Variants in PCDH11X observed in about 807,000 individuals in gnomAD.
The protein encoded by PCDH11X is protocadherin-11 X-linked.
A neutral mutation model predicts 53.3 loss-of-function variants in PCDH11X; 18 were observed. That is an observed-to-expected ratio of 0.34 (90% CI 0.23 to 0.50). PCDH11X has a LOEUF of 0.50. Ranked by LOEUF, PCDH11X falls within the 20% of genes least tolerant of loss-of-function variation. PCDH11X has a pLI of 0.98. For missense variants in PCDH11X, 570 were observed against 1,032.4 expected, an observed-to-expected ratio of 0.55 and a Z score of 6.14; for synonymous variants, 279 against 393.3, an observed-to-expected ratio of 0.71 and a Z score of 3.44.
At chrX:92,159,176 C>T (rs2065593158) in intron 6 of PCDH11X, among the ~76,000 whole-genome samples, 1 of 110,605 alleles carries the variant, frequency 9.0e-6, no homozygotes, top group Admixed American at 9.7e-5. Flanking sequence ...TATAGAAGAA[C>T]ATATGAAATA....
At chrX:92,271,954 T>C (rs1054047282) in intron 8 of PCDH11X, among the ~76,000 whole-genome samples, 1 of 112,162 alleles carries the variant, frequency 8.9e-6, no homozygotes, top group Non-Finnish European at 1.9e-5. Flanking sequence ...TCCAGAGAAA[T>C]GGTATCAGGA....
intron 6 of PCDH11X, among the ~76,000 whole-genome samples, chrX:91,915,659 C>A (rs1282690511): frequency 9.0e-6 from 1 of 110,690 alleles, no homozygotes; most frequent in Non-Finnish European, 1.9e-5. Flanking sequence ...ATATACGCAC[C>A]TAACGCTGGA....
chrX:92,391,480 T>C (rs2071127879), intron 9 of PCDH11X, among the ~76,000 whole-genome samples: 1 of 110,557 alleles, frequency 9.0e-6, no homozygotes, highest in Non-Finnish European at 1.9e-5. Flanking sequence ...CATTAAACTA[T>C]GTATGGCCCT....
intron 9 of PCDH11X, among the ~76,000 whole-genome samples, chrX:92,412,489 T>G (rs1352903606): frequency 1.3e-5 from 1 of 79,559 alleles, no homozygotes; most frequent in Admixed American, 1.5e-4. Flanking sequence ...AAAAATTTGA[T>G]GATCAAAATA....
chrX:91,983,594 C>G, intron 6 of PCDH11X: 1 of 408,978 alleles, frequency 2.4e-6, no homozygotes, highest in East Asian at 4.5e-5. Flanking sequence ...GAGCCAGCTG[C>G]GGGGCCCAAC....
intron 6 of PCDH11X, among the ~76,000 whole-genome samples, chrX:91,976,736 A>G (rs1048437351): frequency 9.0e-6 from 1 of 111,298 alleles, no homozygotes; most frequent in Non-Finnish European, 1.9e-5. Flanking sequence ...GAGACATTCT[A>G]TATTTATGCC....
intron 8 of PCDH11X, among the ~76,000 whole-genome samples, chrX:92,357,469 G>C (rs1873056985): frequency 9.1e-6 from 1 of 109,366 alleles, no homozygotes; most frequent in Non-Finnish European, 1.9e-5. Context: ...GTATTAGGAA[G>C]TGGGGCCTTT....
At chrX:92,444,799 A>C (rs1468690809) in intron 9 of PCDH11X, among the ~76,000 whole-genome samples, 2 of 102,493 alleles carry the variant, frequency 2.0e-5, no homozygotes, top group African/African-American at 7.1e-5. Context: ...ATCTATTGAG[A>C]AAAATAGTTT....
intron 6 of PCDH11X, among the ~76,000 whole-genome samples, chrX:91,887,867 A>T (rs1403304197): frequency 9.0e-6 from 1 of 111,409 alleles, no homozygotes; most frequent in Non-Finnish European, 1.9e-5. Context: ...TGTAATACAG[A>T]GGCATGTTAC....
chrX:91,989,328 C>T (rs1451092955), intron 6 of PCDH11X, among the ~76,000 whole-genome samples: 5 of 110,999 alleles, frequency 4.5e-5, no homozygotes, highest in African/African-American at 6.5e-5. Flanking sequence ...TTTGGGAGGC[C>T]GAGGCGGGCA....
intron 6 of PCDH11X, among the ~76,000 whole-genome samples, chrX:92,152,946 TGG>T (rs1053584295): frequency 9.3e-6 from 1 of 107,564 alleles, no homozygotes; most frequent in African/African-American, 3.4e-5. Flanking sequence ...TACAGGCACC[TGG>T]CTAATTTTTG....
intron 8 of PCDH11X, among the ~76,000 whole-genome samples, chrX:92,377,604 G>A (rs2070780267): frequency 9.4e-6 from 1 of 105,909 alleles, no homozygotes; most frequent in African/African-American, 3.4e-5. Flanking sequence ...AATTGTCTTA[G>A]TTTTTCTTCA....
chrX:91,831,957 T>C (rs1475198065), intron 4 of PCDH11X, among the ~76,000 whole-genome samples: 1 of 107,338 alleles, frequency 9.3e-6, no homozygotes, highest in East Asian at 2.9e-4. Flanking sequence ...TATATTCACT[T>C]AAGCTTTAGA....
rs765879024 is a variant in PCDH11X, at chrX:92,092,962, T to C, written c.3034-108413T>C. Among the ~76,000 whole-genome samples, 5 of 111,011 alleles carry C rather than the reference T, an allele frequency of 4.5e-5. No individual in the cohort carries two copies. In the South Asian group the frequency reaches 1.6e-3, roughly 35 times the overall value. ...ATGTTGTTGTGGTAATTGTGACTGA[T>C]TGAGTTGTTGCAAGACCTGGTTGTT... is the stretch of plus-strand genomic sequence containing the variant. On this transcript the variant is annotated intron_variant, in intron 6 of 10. Transcript: ENST00000682573.
intron 8 of PCDH11X, among the ~76,000 whole-genome samples, chrX:92,302,589 T>G: frequency 8.9e-6 from 1 of 111,760 alleles, no homozygotes; most frequent in South Asian, 3.7e-4. Flanking sequence ...GGACAGTTGT[T>G]TTTTTATAGC....
chrX:92,135,757 T>TTG (rs575523392), intron 6 of PCDH11X, among the ~76,000 whole-genome samples: 6,740 of 99,953 alleles, frequency 0.067, 508 homozygotes, highest in African/African-American at 0.22. Flanking sequence ...GTGTGCATGT[T>TTG]TGTGTGTGTG....
chrX:92,288,106 T>C lies in PCDH11X; in HGVS notation c.3144+24963T>C, dbSNP rs1160294152. 2.7e-5 allele frequency: 12 copies of C among 444,132 alleles called. No homozygotes were observed. The East Asian group carries it at 4.4e-4, about 16-fold the overall frequency. The allele number at this position is 444,132 out of a possible 1,213,427, so 36.6% of individuals were successfully genotyped here. On this transcript the variant is annotated intron_variant, in intron 8 of 10. Transcript: ENST00000682573. ...TATAAACTACCCAGTCTCAGGTAGT[T>C]CTTTATAGCTGTGTGAGAACAGACT... is the stretch of plus-strand genomic sequence containing the variant.
rs539290037 is a variant in PCDH11X at position 92,099,394 on chromosome X, C to A, written c.3034-101981C>A. Among the ~76,000 whole-genome samples the A allele has an allele frequency of 2.5e-4, 27 of 107,491 alleles. No homozygotes were observed. In the South Asian group the frequency reaches 0.011, roughly 43 times the overall value. The allele number at this position is 107,491 out of a possible 115,157, so 93.3% of individuals were successfully genotyped here. A position where few individuals can be genotyped will look rare whatever the true frequency, so the allele number is the denominator to read the frequency against. On this transcript the variant is annotated intron_variant, in intron 6 of 10. Transcript: ENST00000682573. Reference sequence around the variant, plus strand: ...CCTTCAAACTTCATGGCAGTAAATGCCAAATAACCTCATGTATCAAACTTA... The same window carrying A: ...CCTTCAAACTTCATGGCAGTAAATGACAAATAACCTCATGTATCAAACTTA...
At chrX:92,022,132 C>G (rs1236927891) in intron 6 of PCDH11X, among the ~76,000 whole-genome samples, 3 of 107,381 alleles carry the variant, frequency 2.8e-5, no homozygotes, top group Non-Finnish European at 5.7e-5. Context: ...AAATAACGAG[C>G]TAGCATCATG....
Sources: allele counts gnomAD v4.1 joint callset (sites outside exome capture counted in the v4.1 genomes callset), GRCh38; gene constraint gnomAD v4.1.1; transcripts MANE v1.5; gene names NCBI Gene and HGNC (gene_info 2026-07-23, HGNC 2026-07-21).